The following RUFY1 variants were observed in gnomAD, a reference collection of about 807,000 sequenced individuals.
RUFY1 encodes the protein RUN and FYVE domain containing 1, also known as RUN and FYVE domain-containing protein 1.
A neutral mutation model predicts 94.6 loss-of-function variants in RUFY1; 54 were observed. The ratio of observed to expected loss-of-function variants is 0.57; its 90% confidence interval spans 0.46 to 0.72. The LOEUF (loss-of-function observed/expected upper bound fraction) is 0.72. Among genes scored for constraint, RUFY1 ranks in the 30% least tolerant of loss-of-function variants. The pLI is 0.00. For missense variants in RUFY1, 883 were observed against 883.9 expected (o/e 1.00, Z 0.01); for synonymous variants, 396 against 347.3 (o/e 1.14, Z -1.56).
At chr5:179,553,687 G>A (rs1436908769) in intron 1 of RUFY1, among the ~76,000 whole-genome samples, 1 of 152,136 alleles carries the variant, frequency 6.6e-6, no homozygotes, top group Non-Finnish European at 1.5e-5. Flanking sequence ...CTACTCAGGA[G>A]GCTGAGGCAG....
chr5:179,596,737 A>G (rs1765684929), intron 13 of RUFY1, 56 bp downstream of exon 13: 2 of 1,213,524 alleles, frequency 1.6e-6, no homozygotes, highest in Middle Eastern at 3.7e-4. Context: ...GACTGGGAAG[A>G]ACTGGGGACA....
chr5:179,596,958 C>T (rs1444611464), intron 13 of RUFY1: 2 of 393,750 alleles, frequency 5.1e-6, no homozygotes. Flanking sequence ...CTTAACCACC[C>T]TTTCTAAAAA....
chr5:179,587,403 CAG>C (rs1263404642), intron 8 of RUFY1, among the ~76,000 whole-genome samples: 2 of 110,328 alleles, frequency 1.8e-5, no homozygotes, highest in Non-Finnish European at 1.7e-5. Context: ...TTTTTTGAGA[CAG>C]AGTCTTGCTC....
Position 179,550,721 on chromosome 5 carries a change from G to A in RUFY1, c.152G>A (p.Arg51Gln), listed in dbSNP as rs767453216. ...CAGCTGCCCGGCCCAGGCGACCTGC[G>A]GAGCGCAACGAGGCCGCGGGCGGCC... is the stretch of plus-strand genomic sequence containing the variant. ...RSQLPGPGDL[R>Q]SATRPRAAEG... Residue 51 changes from arginine to glutamine, a missense_variant, in exon 1 of 18, where the codon CGG becomes CAG. Arg to Gln is a conservative substitution (Grantham distance 43, BLOSUM62 1). Coordinates refer to ENST00000319449, the MANE Select transcript of RUFY1 (RefSeq NM_025158.5). 7.6e-5 allele frequency: 113 copies of A among 1,483,492 alleles called. No individual in the cohort carries two copies. Among genetic ancestry groups the A allele is most frequent in the Non-Finnish European group, 9.7e-5 (109 of 1,121,720 alleles). The allele number at this position is 1,483,492 out of a possible 1,614,324, so 91.9% of individuals were successfully genotyped here. A position where few individuals can be genotyped will look rare whatever the true frequency, so the allele number is the denominator to read the frequency against.
intron 1 of RUFY1, among the ~76,000 whole-genome samples, chr5:179,551,988 A>AC (rs1273909525): frequency 6.8e-6 from 1 of 147,390 alleles, no homozygotes; most frequent in East Asian, 2.2e-4. Flanking sequence ...ACATGGTGAA[A>AC]CCCCGTCTCT....
intron 6 of RUFY1, among the ~76,000 whole-genome samples, chr5:179,579,793 C>T (rs1420236598): frequency 1.3e-5 from 2 of 151,044 alleles, no homozygotes; most frequent in Non-Finnish European, 2.9e-5. Flanking sequence ...CTCCCTGAGT[C>T]GCTGGGACTG....
chr5:179,580,231 G>A (rs1429968376), intron 6 of RUFY1, among the ~76,000 whole-genome samples: 45 of 61,038 alleles, frequency 7.4e-4, no homozygotes, highest in Admixed American at 2.5e-3. Context: ...GTGTGTGTGT[G>A]TGTGTGTGTG....
intron 7 of RUFY1, among the ~76,000 whole-genome samples, chr5:179,584,276 G>A (rs1319839258): frequency 2.0e-5 from 3 of 152,106 alleles, no homozygotes; most frequent in African/African-American, 7.2e-5. Flanking sequence ...CTGGCAACAG[G>A]GACTGGTCTT....
At position 179,580,241 on chromosome 5, in the gene RUFY1, G is replaced by GTGTGTATA. The variant is rs149099074; in HGVS notation, c.891-705_891-704insGTGTATAT. 1.7e-3 allele frequency among the ~76,000 whole-genome samples: 164 copies of GTGTGTATA among 93,880 alleles called. 1 individual carries two copies. Among genetic ancestry groups the GTGTGTATA allele is most frequent in the African/African-American group, 5.1e-3 (145 of 28,530 alleles). 61.6% of individuals were successfully genotyped at this position (93,880 alleles called of 152,430 possible). On this transcript the variant is annotated intron_variant, in intron 6 of 17. Coordinates refer to ENST00000319449, the MANE Select transcript of RUFY1 (RefSeq NM_025158.5). ...TGTGTGTGTGTGTGTGTGTGTGTGT[G>GTGTGTATA]TATATTTTTTTTTTTTTTTGAGACG...
intron 3 of RUFY1, among the ~76,000 whole-genome samples, chr5:179,566,161 A>G (rs1762815519): frequency 6.6e-6 from 1 of 151,638 alleles, no homozygotes; most frequent in Non-Finnish European, 1.5e-5. Flanking sequence ...AAAGTTGTGA[A>G]GTTTACAGTC....
intron 12 of RUFY1, among the ~76,000 whole-genome samples, chr5:179,595,442 CAT>C (rs1765538530): frequency 6.6e-6 from 1 of 152,076 alleles, no homozygotes; most frequent in South Asian, 2.1e-4. Context: ...CAAAAAAGTA[CAT>C]GAGATGATAT....
intron 1 of RUFY1, among the ~76,000 whole-genome samples, chr5:179,552,720 ATTTC>A (rs1275910889): frequency 9.9e-5 from 15 of 152,224 alleles, no homozygotes; most frequent in African/African-American, 3.6e-4. Flanking sequence ...CCCTGCTAGA[ATTTC>A]TTTCCTTTAA....
At chr5:179,568,061 A>G (rs1241678939) in intron 4 of RUFY1, among the ~76,000 whole-genome samples, 1 of 152,174 alleles carries the variant, frequency 6.6e-6, no homozygotes, top group East Asian at 1.9e-4. Context: ...CCTGGACAAC[A>G]TGGTAAAACC....
chr5:179,604,305 C>T (rs1170287853), intron 15 of RUFY1, among the ~76,000 whole-genome samples: 3 of 152,200 alleles, frequency 2.0e-5, no homozygotes, highest in Admixed American at 6.5e-5. Flanking sequence ...AAAGCCTCTT[C>T]GCAGGCCCTA....
At chr5:179,597,730 A>G (rs1331209185) in intron 13 of RUFY1, among the ~76,000 whole-genome samples, 1 of 152,102 alleles carries the variant, frequency 6.6e-6, no homozygotes, top group Non-Finnish European at 1.5e-5. Flanking sequence ...GAGAGAAGAG[A>G]GAAGAGACAT....
At chr5:179,601,163 CT>C (rs146328821) in intron 14 of RUFY1, among the ~76,000 whole-genome samples, 1 of 150,514 alleles carries the variant, frequency 6.6e-6, no homozygotes, top group Non-Finnish European at 1.5e-5. Context: ...GCATTTTGCT[CT>C]TTTTTTTGGT....
Position 179,586,390 on chromosome 5 carries a change from C to A in RUFY1, c.1026+525C>A, listed in dbSNP as rs1008696471. On this transcript the variant is annotated intron_variant, in intron 8 of 17. Transcript: ENST00000319449. The stretch of plus-strand genomic sequence containing the variant: ...TGAGCCGAGGAAGAGAGCTTGCTGC[C>A]AGCTGCCCGGCAGTCTCCTTGCTGG... 6.6e-6 allele frequency: 3 copies of A among 456,590 alleles called. No homozygotes were observed. In the Admixed American group the frequency reaches 7.1e-5, roughly 11 times the overall value. The allele number at this position is 456,590 out of a possible 1,614,324, so 28.3% of individuals were successfully genotyped here. A position where few individuals can be genotyped will look rare whatever the true frequency, so the allele number is the denominator to read the frequency against.
intron 7 of RUFY1, among the ~76,000 whole-genome samples, chr5:179,582,658 A>C (rs1185773784): frequency 1.3e-5 from 2 of 151,996 alleles, no homozygotes; most frequent in African/African-American, 4.8e-5. Flanking sequence ...TTCGAGACCA[A>C]CATGGGGAAA....
chr5:179,583,910 C>T lies in RUFY1; in HGVS notation c.957-1886C>T, dbSNP rs909588011. Among the ~76,000 whole-genome samples, 3 of 149,274 alleles carry T rather than the reference C, an allele frequency of 2.0e-5. No individual in the cohort carries two copies. In the Admixed American group the frequency reaches 2.0e-4, roughly 10 times the overall value. On this transcript the variant is annotated intron_variant, in intron 7 of 17. Coordinates refer to ENST00000319449, the MANE Select transcript of RUFY1 (RefSeq NM_025158.5). ...GATTGCAGGCGCCCACCACCATGCC[C>T]AGCTAATTTTTTGTATTTTAGTAGA...
Sources: allele counts gnomAD v4.1 joint callset (sites outside exome capture counted in the v4.1 genomes callset), GRCh38; gene constraint gnomAD v4.1.1; transcripts MANE v1.5; gene names NCBI Gene and HGNC (gene_info 2026-07-23, HGNC 2026-07-21).